The following DRC11 variants were observed in gnomAD, a reference collection of about 807,000 sequenced individuals.
The protein encoded by DRC11 is IQ and AAA domain-containing protein 1.
At chr2:236,375,125 C>A in the DRC11 span, among the ~76,000 whole-genome samples, 1 of 151,972 alleles carries the variant, frequency 6.6e-6, no homozygotes, top group Admixed American at 6.6e-5. The surrounding 1 kb of genome is among the most constrained non-coding windows in gnomAD (Gnocchi z 4.2). Flanking sequence ...CCCACAAGGC[C>A]CCGTCTCCAG....
the DRC11 span, among the ~76,000 whole-genome samples, chr2:236,426,726 A>C: frequency 1.3e-5 from 2 of 152,116 alleles, no homozygotes; most frequent in East Asian, 3.9e-4. This position sits in a 1 kb window ranked among gnomAD's most constrained non-coding sequence, Gnocchi z 4.1. Context: ...TTCTATATGC[A>C]AGATCAAAGA....
At chr2:236,354,584 C>T in the DRC11 span, among the ~76,000 whole-genome samples, 64 of 152,230 alleles carry the variant, frequency 4.2e-4, 1 homozygote, top group African/African-American at 1.4e-3. Flanking sequence ...GTGTGCAAAG[C>T]CATTCTCAAC....
the DRC11 span, chr2:236,363,890 C>T: frequency 6.2e-7 from 1 of 1,613,940 alleles, no homozygotes; most frequent in Non-Finnish European, 8.5e-7. The surrounding 1 kb of genome is among the most constrained non-coding windows in gnomAD (Gnocchi z 5.6). Flanking sequence ...GTGCAGATGG[C>T]ATGGACCAGC....
chr2:236,491,561 C>G, the DRC11 span, among the ~76,000 whole-genome samples: 1 of 151,988 alleles, frequency 6.6e-6, no homozygotes, highest in Admixed American at 6.6e-5. Flanking sequence ...GTGAGTGCAA[C>G]GTAATCTCCC....
At chr2:236,506,787 C>T in the DRC11 span, among the ~76,000 whole-genome samples, 1 of 152,246 alleles carries the variant, frequency 6.6e-6, no homozygotes, top group South Asian at 2.1e-4. This position sits in a 1 kb window ranked among gnomAD's most constrained non-coding sequence, Gnocchi z 4.9. Flanking sequence ...TAGGCACACA[C>T]TTCTTTCAGT....
chr2:236,403,842 TC>T, the DRC11 span, among the ~76,000 whole-genome samples: 1 of 152,058 alleles, frequency 6.6e-6, no homozygotes, highest in South Asian at 2.1e-4. Context: ...TCCTCCTGCC[TC>T]CCCGATCCTC....
the DRC11 span, among the ~76,000 whole-genome samples, chr2:236,386,078 G>T: frequency 6.7e-6 from 1 of 149,610 alleles, no homozygotes; most frequent in African/African-American, 2.4e-5. Flanking sequence ...ATTTTATTGA[G>T]AATTTTTGCA....
the DRC11 span, among the ~76,000 whole-genome samples, chr2:236,433,701 T>C: frequency 1.3e-5 from 2 of 152,340 alleles, no homozygotes; most frequent in East Asian, 3.9e-4. Flanking sequence ...ATTGAACATA[T>C]GTGCAAAAGG....
At chr2:236,335,275 G>GT in the DRC11 span, among the ~76,000 whole-genome samples, 2 of 152,206 alleles carry the variant, frequency 1.3e-5, no homozygotes, top group African/African-American at 4.8e-5. The surrounding 1 kb of genome is among the most constrained non-coding windows in gnomAD (Gnocchi z 5.6). Flanking sequence ...CAGTCTTTCT[G>GT]TAAGACAGAT....
chr2:236,476,524 T>C, the DRC11 span, among the ~76,000 whole-genome samples: 1 of 152,212 alleles, frequency 6.6e-6, no homozygotes, highest in African/African-American at 2.4e-5. The surrounding 1 kb of genome is among the most constrained non-coding windows in gnomAD (Gnocchi z 4.7). Context: ...CTAATTTGAC[T>C]TCTTCCTTTC....
At chr2:236,497,075 G>A in the DRC11 span, 1 of 1,023,174 alleles carries the variant, frequency 9.8e-7, no homozygotes, top group East Asian at 2.6e-5. The surrounding 1 kb of genome is among the most constrained non-coding windows in gnomAD (Gnocchi z 5.1). Flanking sequence ...CGGACAGGAA[G>A]TCTGTAGAGT....
chr2:236,407,587 C>T, the DRC11 span, among the ~76,000 whole-genome samples: 4 of 151,830 alleles, frequency 2.6e-5, no homozygotes, highest in Admixed American at 1.3e-4. Context: ...TCTATATATA[C>T]ACACACACAC....
the DRC11 span, chr2:236,368,272 G>A: frequency 3.0e-5 from 48 of 1,605,342 alleles, no homozygotes; most frequent in African/African-American, 3.7e-4. Context: ...GACACCTGGC[G>A]AAGAGTAGTC....
the DRC11 span, among the ~76,000 whole-genome samples, chr2:236,451,362 C>CATATAT: frequency 4.0e-5 from 6 of 148,944 alleles, no homozygotes; most frequent in African/African-American, 1.5e-4. Flanking sequence ...AAACACTTTA[C>CATATAT]ATATATATAT....
the DRC11 span, among the ~76,000 whole-genome samples, chr2:236,492,754 C>A: frequency 6.6e-6 from 1 of 152,286 alleles, no homozygotes; most frequent in South Asian, 2.1e-4. Flanking sequence ...GGGAAGAAGA[C>A]TCCCCACCAG....
the DRC11 span, among the ~76,000 whole-genome samples, chr2:236,447,964 C>T: frequency 1.4e-4 from 21 of 151,976 alleles, no homozygotes; most frequent in African/African-American, 4.4e-4. This position sits in a 1 kb window ranked among gnomAD's most constrained non-coding sequence, Gnocchi z 4.6. Flanking sequence ...CAAAACAGTT[C>T]GCAGATAATC....
At chr2:236,342,932 A>G in the DRC11 span, among the ~76,000 whole-genome samples, 2 of 152,296 alleles carry the variant, frequency 1.3e-5, no homozygotes, top group South Asian at 2.1e-4. This position sits in a 1 kb window ranked among gnomAD's most constrained non-coding sequence, Gnocchi z 5.8. Context: ...GGAAGTGAAC[A>G]GAGAAAACGT....
At chr2:236,459,129 A>T in the DRC11 span, among the ~76,000 whole-genome samples, 1 of 152,134 alleles carries the variant, frequency 6.6e-6, no homozygotes, top group Non-Finnish European at 1.5e-5. Context: ...TACATATATA[A>T]CTACATTTTA....
At chr2:236,429,320 C>T in the DRC11 span, among the ~76,000 whole-genome samples, 1 of 152,216 alleles carries the variant, frequency 6.6e-6, no homozygotes, top group African/African-American at 2.4e-5. The surrounding 1 kb of genome is among the most constrained non-coding windows in gnomAD (Gnocchi z 5.9). Context: ...CTTGCATATG[C>T]ATAATTGCAG....
Sources: allele counts gnomAD v4.1 joint callset (sites outside exome capture counted in the v4.1 genomes callset), GRCh38; gene constraint gnomAD v4.1.1; non-coding constraint Gnocchi (gnomAD v3.1); transcripts MANE v1.5; gene names NCBI Gene and HGNC (gene_info 2026-07-23, HGNC 2026-07-21).